The following MAP7 variants were observed in gnomAD, a reference collection of about 807,000 sequenced individuals.
MAP7 encodes ensconsin.
Under a neutral mutation model 94.8 loss-of-function variants are expected in MAP7, and 52 were observed. The ratio of observed to expected loss-of-function variants is 0.55; its 90% CI spans 0.44 to 0.69. The LOEUF is 0.69. Among genes scored for constraint, MAP7 ranks in the 30% least tolerant of loss-of-function variants. MAP7 has a pLI of 0.00. For synonymous variants in MAP7, 350 were observed against 357.0 expected (o/e 0.98, Z 0.22); for missense variants, 940 against 964.6 (o/e 0.97, Z 0.34).
intron 3 of MAP7, among the ~76,000 whole-genome samples, chr6:136,401,674 T>G (rs1784124138): frequency 6.6e-6 from 1 of 151,854 alleles, no homozygotes. Context: ...GAGATATACC[T>G]AATGTAAATG....
At chr6:136,448,966 A>G (rs944232815) in intron 1 of MAP7, among the ~76,000 whole-genome samples, 1 of 151,318 alleles carries the variant, frequency 6.6e-6, no homozygotes. Context: ...ATGCCTACAT[A>G]CAATGTTCCA....
Position 136,411,605 on chromosome 6 carries a change from C to T in MAP7, c.244+15G>A, listed in dbSNP as rs561598233. ...TCCATTCAAATCAGGGCCATGGACA[C>T]GGGGCCTGGGGTACCTAGCTGTTTC... On this transcript the variant is annotated intron_variant, in intron 3 of 17. Transcript: ENST00000354570. The T allele has an allele frequency of 1.6e-5, 25 of 1,554,554 alleles. No individual in the cohort carries two copies. The highest frequency in any genetic ancestry group is 2.4e-5 in the South Asian group (2 of 84,264).
chr6:136,526,277 G>GCA lies in MAP7; in HGVS notation c.67+24063_67+24064dup, dbSNP rs61514681. ...CTCATGCATGCACGTACACGCGCGC[G>GCA]CACACACACACACACACACACACTC... On this transcript the variant is annotated intron_variant, in intron 1 of 17. Coordinates refer to ENST00000354570, the MANE Select transcript of MAP7 (RefSeq NM_003980.6). 0.014 allele frequency: 13,166 copies of GCA among 931,912 alleles called. 233 individuals carry two copies. The East Asian group carries it at 0.18, about 12-fold the overall frequency. 57.7% of individuals were successfully genotyped at this position (931,912 alleles called of 1,614,324 possible).
At chr6:136,445,105 ATGCCAATT>A (rs1241334750) in intron 1 of MAP7, among the ~76,000 whole-genome samples, 1 of 152,168 alleles carries the variant, frequency 6.6e-6, no homozygotes, top group Non-Finnish European at 1.5e-5. Context: ...ACCCCACATT[ATGCCAATT>A]TGGCATATTT....
chr6:136,506,698 T>A (rs1287373704), intron 1 of MAP7, among the ~76,000 whole-genome samples: 1 of 152,224 alleles, frequency 6.6e-6, no homozygotes, highest in African/African-American at 2.4e-5. Context: ...CAAAAAGGAA[T>A]GAAGCTTGAG....
At chr6:136,485,555 A>ATTTTTTTTTTTTTT (rs747333121) in intron 1 of MAP7, among the ~76,000 whole-genome samples, 2 of 98,158 alleles carry the variant, frequency 2.0e-5, no homozygotes, top group East Asian at 3.3e-4. Context: ...TCCACTTCAG[A>ATTTTTTTTTTTTTT]TTTTTTTTTT....
intron 1 of MAP7, among the ~76,000 whole-genome samples, chr6:136,465,956 G>A (rs1806873736): frequency 6.6e-6 from 1 of 152,070 alleles, no homozygotes; most frequent in South Asian, 2.1e-4. Flanking sequence ...GAATAAGGCA[G>A]CTTTATTATT....
chr6:136,411,992 C>A (rs1205999202), intron 2 of MAP7, among the ~76,000 whole-genome samples: 1 of 152,094 alleles, frequency 6.6e-6, no homozygotes, highest in Non-Finnish European at 1.5e-5. Flanking sequence ...CCTAAGCTAC[C>A]AAACTTCTAT....
rs1035785947 is a variant in MAP7, at chr6:136,401,524, C to T, written c.244+10096G>A. 5.3e-5 allele frequency among the ~76,000 whole-genome samples: 8 copies of T among 152,132 alleles called. No homozygotes were observed. The East Asian group carries it at 5.8e-4, about 11-fold the overall frequency. On this transcript the variant is annotated intron_variant, in intron 3 of 17. Transcript: ENST00000354570. ...GAAACCATCATTCTGAGCAAACTAT[C>T]GCAAGGACAGAAAACCAAACACCGC...
rs192790832 is a variant in MAP7, at chr6:136,454,323, C to A, written c.68-32524G>T. On this transcript the variant is annotated intron_variant, in intron 1 of 17. Transcript: ENST00000354570. ...TCTATCTATCTATCTATCTATCTAT[C>A]TGAGACAGGGTCTTACGCTGTCTCC... Among the ~76,000 whole-genome samples, 22 of 151,666 alleles carry A rather than the reference C, an allele frequency of 1.5e-4. 1 individual carries two copies. The highest frequency in any genetic ancestry group is 5.1e-4 in the African/African-American group (21 of 41,290).
chr6:136,530,080 A>T (rs1464892368), intron 1 of MAP7, among the ~76,000 whole-genome samples: 1 of 152,242 alleles, frequency 6.6e-6, no homozygotes, highest in African/African-American at 2.4e-5. Context: ...TAAAGTTGGA[A>T]AACAGCACAC....
chr6:136,537,938 A>C (rs377332250), intron 1 of MAP7, among the ~76,000 whole-genome samples: 7 of 152,214 alleles, frequency 4.6e-5, no homozygotes, highest in Admixed American at 2.0e-4. Context: ...TGTGCCACCA[A>C]GCCCAGCTAA....
intron 1 of MAP7, among the ~76,000 whole-genome samples, chr6:136,482,802 C>A (rs1460426616): frequency 2.6e-5 from 4 of 152,030 alleles, no homozygotes; most frequent in East Asian, 1.9e-4. Context: ...GATGATAGAT[C>A]GATTTGGCAG....
chr6:136,479,596 T>C (rs537507879), intron 1 of MAP7, among the ~76,000 whole-genome samples: 1 of 152,330 alleles, frequency 6.6e-6, no homozygotes, highest in Admixed American at 6.5e-5. Context: ...TATGACCTCA[T>C]ATTTGGAGAA....
intron 3 of MAP7, among the ~76,000 whole-genome samples, chr6:136,405,737 A>G (rs981243986): frequency 6.6e-6 from 1 of 152,210 alleles, no homozygotes; most frequent in Non-Finnish European, 1.5e-5. Flanking sequence ...CCTATTGCAG[A>G]ATCCGGGTGA....
chr6:136,389,278 T>A, intron 4 of MAP7, 76 bp downstream of exon 4: 1 of 1,495,466 alleles, frequency 6.7e-7, no homozygotes, highest in South Asian at 1.4e-5. Flanking sequence ...TGCACCTGAC[T>A]GCAAAGTTTC....
intron 1 of MAP7, among the ~76,000 whole-genome samples, chr6:136,493,538 T>C (rs1266739659): frequency 6.6e-6 from 1 of 152,166 alleles, no homozygotes; most frequent in Non-Finnish European, 1.5e-5. Context: ...TCTCAGACAC[T>C]GGATCAGGTG....
At chr6:136,411,189 C>A (rs1432757929) in intron 3 of MAP7, among the ~76,000 whole-genome samples, 2 of 152,190 alleles carry the variant, frequency 1.3e-5, no homozygotes, top group African/African-American at 4.8e-5. Flanking sequence ...AATCAGACAC[C>A]TCAGCACATG....
At chr6:136,535,363 C>A (rs1828795872) in intron 1 of MAP7, among the ~76,000 whole-genome samples, 2 of 152,300 alleles carry the variant, frequency 1.3e-5, no homozygotes, top group South Asian at 4.1e-4. Flanking sequence ...CACGCTTGTA[C>A]AGCCTGCAGA....
Sources: gnomAD v4.1 joint callset for allele counts (sites outside exome capture counted in the v4.1 genomes callset) on GRCh38, gnomAD v4.1.1 for gene constraint, MANE v1.5 for transcripts, NCBI Gene and HGNC (gene_info 2026-07-23, HGNC 2026-07-21) for gene names.